Variants in CD2AP observed in about 807,000 individuals in gnomAD.
CD2AP encodes the protein CD2 associated protein.
Under a neutral mutation model 85.1 loss-of-function variants are expected in CD2AP, and 46 were observed. The ratio of observed to expected loss-of-function variants is 0.54; its 90% CI spans 0.43 to 0.69. The LOEUF is 0.69. Ranked by LOEUF, CD2AP falls within the 30% of genes least tolerant of loss-of-function variation. The pLI is 0.00. For missense variants in CD2AP, 769 were observed against 729.5 expected, an observed-to-expected ratio of 1.05 and a Z score of -0.62; for synonymous variants, 255 against 252.9, an observed-to-expected ratio of 1.01 and a Z score of -0.08.
chr6:47,522,143 AG>A (rs1375126896), intron 2 of CD2AP, among the ~76,000 whole-genome samples: 2 of 152,186 alleles, frequency 1.3e-5, no homozygotes, highest in African/African-American at 4.8e-5. Flanking sequence ...TCACCTGAGG[AG>A]GCTGGGGAGG....
At position 47,624,489 on chromosome 6, in the gene CD2AP, C is replaced by A; in HGVS notation, c.*262C>A. On this transcript the variant is annotated 3_prime_UTR_variant, in exon 18 of 18. Coordinates refer to ENST00000359314, the MANE Select transcript of CD2AP (RefSeq NM_012120.3). ...AAAAATTGTTTGCTTGAAAATACTA[C>A]TGAATATAAATAAGAATGTGCACAG... 2.3e-6 allele frequency: 1 copy of A among 429,098 alleles called. No homozygotes were observed. Among genetic ancestry groups the A allele is most frequent in the Non-Finnish European group, 4.2e-6 (1 of 240,678 alleles). 26.6% of individuals were successfully genotyped at this position (429,098 alleles called of 1,614,324 possible). A position where few individuals can be genotyped will look rare whatever the true frequency, so the allele number is the denominator to read the frequency against.
chr6:47,497,272 T>G lies in CD2AP; in HGVS notation c.5-6008T>G, dbSNP rs941771408. Among the ~76,000 whole-genome samples, 10 of 151,174 alleles carry G rather than the reference T, an allele frequency of 6.6e-5. No homozygotes were observed. The East Asian group carries it at 1.9e-3, about 29-fold the overall frequency. On this transcript the variant is annotated intron_variant, in intron 1 of 17. Coordinates refer to ENST00000359314, the MANE Select transcript of CD2AP (RefSeq NM_012120.3). The stretch of plus-strand genomic sequence containing the variant: ...TTTTCCTTTCCTTCCCTTCCTTTTT[T>G]CCCTTCCTTTCCCTTTTCCTGTTCC...
At chr6:47,583,833 A>G (rs1018436768) in intron 11 of CD2AP, among the ~76,000 whole-genome samples, 14 of 152,226 alleles carry the variant, frequency 9.2e-5, no homozygotes, top group Admixed American at 2.0e-4. Context: ...TGTAGGCGCA[A>G]CTGCCAAACT....
intron 13 of CD2AP, among the ~76,000 whole-genome samples, chr6:47,604,816 TCAAAA>T (rs1243843703): frequency 2.0e-5 from 3 of 152,020 alleles, no homozygotes; most frequent in Non-Finnish European, 4.4e-5. Context: ...ATCAAAAGAC[TCAAAA>T]CAAAAATCAA....
At chr6:47,589,765 G>A (rs1768742312) in intron 11 of CD2AP, among the ~76,000 whole-genome samples, 1 of 151,732 alleles carries the variant, frequency 6.6e-6, no homozygotes, top group African/African-American at 2.4e-5. Flanking sequence ...ATAGACTTTT[G>A]GGCTCAAGGA....
intron 5 of CD2AP, among the ~76,000 whole-genome samples, chr6:47,570,871 C>T (rs181669205): frequency 6.6e-4 from 100 of 152,202 alleles, no homozygotes; most frequent in African/African-American, 2.3e-3. Flanking sequence ...TAATAGCAAA[C>T]GTGGTAGTAA....
chr6:47,619,198 T>G (rs1360041414), intron 17 of CD2AP, among the ~76,000 whole-genome samples: 1 of 152,208 alleles, frequency 6.6e-6, no homozygotes, highest in Non-Finnish European at 1.5e-5. Flanking sequence ...CTGCACCACG[T>G]TCGTAGTCTT....
chr6:47,553,447 A>C (rs925146835), intron 4 of CD2AP, among the ~76,000 whole-genome samples: 1 of 151,270 alleles, frequency 6.6e-6, no homozygotes, highest in Non-Finnish European at 1.5e-5. Context: ...CCCAGGTTCA[A>C]CTGATTCTCC....
chr6:47,578,979 C>T (rs562235555), intron 8 of CD2AP, among the ~76,000 whole-genome samples: 12 of 152,086 alleles, frequency 7.9e-5, no homozygotes, highest in African/African-American at 2.6e-4. Flanking sequence ...TCTCTTTTTT[C>T]CTCTGAGAAC....
At chr6:47,497,306 T>TTTTCCTTTCC (rs760711476) in intron 1 of CD2AP, among the ~76,000 whole-genome samples, 1,447 of 102,680 alleles carry the variant, frequency 0.014, 32 homozygotes, top group African/African-American at 0.041. Flanking sequence ...CCCGTTCCCT[T>TTTTCCTTTCC]TTTCCTTTCC....
intron 2 of CD2AP, among the ~76,000 whole-genome samples, chr6:47,512,489 G>T (rs1452518924): frequency 6.6e-6 from 1 of 152,208 alleles, no homozygotes; most frequent in Non-Finnish European, 1.5e-5. Context: ...GTCAAATTGG[G>T]CTGGAAGATG....
At chr6:47,549,474 A>AAT (rs1767455864) in intron 4 of CD2AP, among the ~76,000 whole-genome samples, 1 of 151,456 alleles carries the variant, frequency 6.6e-6, no homozygotes, top group South Asian at 2.1e-4. Context: ...AAAAAAAAAA[A>AAT]AAAAAATAAG....
intron 2 of CD2AP, among the ~76,000 whole-genome samples, chr6:47,516,963 A>T (rs1184367051): frequency 6.6e-6 from 1 of 152,156 alleles, no homozygotes; most frequent in Non-Finnish European, 1.5e-5. Flanking sequence ...GTCCCCTCCA[A>T]ATCTCATGTT....
At chr6:47,479,891 A>AT (rs922473259) in intron 1 of CD2AP, among the ~76,000 whole-genome samples, 4 of 150,356 alleles carry the variant, frequency 2.7e-5, no homozygotes, top group African/African-American at 4.9e-5. Flanking sequence ...TCCTTTTCTA[A>AT]TTTTTTTTTA....
chr6:47,606,678 T>A (rs1027406928), intron 14 of CD2AP, among the ~76,000 whole-genome samples: 27 of 152,064 alleles, frequency 1.8e-4, no homozygotes, highest in African/African-American at 5.3e-4. Flanking sequence ...ATTTTTAAAA[T>A]TAACTTCAGC....
intron 2 of CD2AP, among the ~76,000 whole-genome samples, chr6:47,526,118 A>G (rs1176840330): frequency 2.0e-5 from 3 of 152,212 alleles, no homozygotes; most frequent in Non-Finnish European, 4.4e-5. Flanking sequence ...TGGAAGCCTT[A>G]CTAATACCTT....
chr6:47,572,189 T>A (rs770006770), intron 5 of CD2AP, among the ~76,000 whole-genome samples: 1 of 152,138 alleles, frequency 6.6e-6, no homozygotes, highest in African/African-American at 2.4e-5. Flanking sequence ...AATTTAACAT[T>A]CAACAACATC....
At chr6:47,482,331 T>G (rs960968124) in intron 1 of CD2AP, among the ~76,000 whole-genome samples, 1 of 152,028 alleles carries the variant, frequency 6.6e-6, no homozygotes, top group Non-Finnish European at 1.5e-5. Context: ...TTATAATATT[T>G]TATAGTTTCC....
At chr6:47,585,149 A>G (rs1195098460) in intron 11 of CD2AP, among the ~76,000 whole-genome samples, 1 of 151,734 alleles carries the variant, frequency 6.6e-6, no homozygotes, top group East Asian at 1.9e-4. Context: ...ATAAAAAAAA[A>G]AAAACCAGCT....
Sources: allele counts gnomAD v4.1 joint callset (sites outside exome capture counted in the v4.1 genomes callset), GRCh38; gene constraint gnomAD v4.1.1; transcripts MANE v1.5; gene names NCBI Gene and HGNC (gene_info 2026-07-23, HGNC 2026-07-21).